Variants in SLC24A2 observed in about 807,000 individuals in gnomAD.
SLC24A2 encodes the protein sodium/potassium/calcium exchanger 2.
SLC24A2 carries 36 observed loss-of-function variants against 62.0 expected under a neutral mutation model. That is an observed-to-expected ratio of 0.58 (90% CI 0.44 to 0.77). SLC24A2 has a LOEUF of 0.77. Among genes scored for constraint, SLC24A2 ranks in the 30% least tolerant of loss-of-function variants. SLC24A2 has a pLI of 0.00. For synonymous variants in SLC24A2, 358 were observed against 294.0 expected, an observed-to-expected ratio of 1.22 and a Z score of -2.23; for missense variants, 846 against 817.9, an observed-to-expected ratio of 1.03 and a Z score of -0.42.
At chr9:20,088,252 C>T in the SLC24A2 span, among the ~76,000 whole-genome samples, 1 of 152,254 alleles carries the variant, frequency 6.6e-6, no homozygotes, top group East Asian at 1.9e-4. Flanking sequence ...TGGCTTAGAA[C>T]TCTGGCCAGC....
At chr9:20,150,849 AAG>A in the SLC24A2 span, among the ~76,000 whole-genome samples, 1 of 152,014 alleles carries the variant, frequency 6.6e-6, no homozygotes, top group Admixed American at 6.6e-5. Context: ...TATATAGAGA[AAG>A]AGACAAAGAG....
the SLC24A2 span, among the ~76,000 whole-genome samples, chr9:19,891,266 G>T: frequency 3.3e-5 from 5 of 152,154 alleles, no homozygotes; most frequent in African/African-American, 1.2e-4. Flanking sequence ...TAGAGCATAG[G>T]TCAGAGCATG....
At chr9:19,615,121 C>T (rs1322434845) in intron 4 of SLC24A2, among the ~76,000 whole-genome samples, 1 of 152,178 alleles carries the variant, frequency 6.6e-6, no homozygotes, top group Non-Finnish European at 1.5e-5. Context: ...GGCAAGGGCT[C>T]ATTCACTGGA....
chr9:20,193,632 C>T, the SLC24A2 span, among the ~76,000 whole-genome samples: 1 of 152,094 alleles, frequency 6.6e-6, no homozygotes, highest in Middle Eastern at 3.4e-3. Context: ...GATGCTGAAA[C>T]TGATAAACAG....
the SLC24A2 span, among the ~76,000 whole-genome samples, chr9:19,842,873 G>T: frequency 1.3e-5 from 2 of 152,058 alleles, no homozygotes; most frequent in African/African-American, 4.8e-5. Context: ...AGTTCCTGGG[G>T]ATCTCTCCCT....
At chr9:19,593,705 T>C (rs1836623045) in intron 5 of SLC24A2, among the ~76,000 whole-genome samples, 1 of 152,140 alleles carries the variant, frequency 6.6e-6, no homozygotes, top group African/African-American at 2.4e-5. Flanking sequence ...CATCTGCCCC[T>C]GTTCCACTCC....
the SLC24A2 span, among the ~76,000 whole-genome samples, chr9:19,851,000 T>TATATATAC: frequency 6.6e-5 from 3 of 45,182 alleles, no homozygotes; most frequent in Non-Finnish European, 9.7e-5. Context: ...TATATATATA[T>TATATATAC]ACACATACAT....
the SLC24A2 span, among the ~76,000 whole-genome samples, chr9:19,997,867 C>T: frequency 6.6e-6 from 1 of 152,160 alleles, no homozygotes; most frequent in Non-Finnish European, 1.5e-5. Flanking sequence ...TTATTTCCTT[C>T]TCAGTTTGAA....
intron 3 of SLC24A2, 60 bp downstream of exon 3, chr9:19,622,201 C>A: frequency 6.8e-7 from 1 of 1,469,936 alleles, no homozygotes; most frequent in South Asian, 1.1e-5. Flanking sequence ...TCACTCCCAC[C>A]CCTGCCCCAC....
At chr9:19,972,111 G>A in the SLC24A2 span, among the ~76,000 whole-genome samples, 5 of 151,994 alleles carry the variant, frequency 3.3e-5, no homozygotes, top group Non-Finnish European at 5.9e-5. Context: ...GGTTGCTGAT[G>A]GTCCTAGTAC....
At chr9:19,882,505 C>T in the SLC24A2 span, among the ~76,000 whole-genome samples, 1 of 151,974 alleles carries the variant, frequency 6.6e-6, no homozygotes, top group Non-Finnish European at 1.5e-5. Context: ...CCTCCACGCC[C>T]CCCACCCACT....
At chr9:20,272,559 C>T in the SLC24A2 span, among the ~76,000 whole-genome samples, 2 of 152,188 alleles carry the variant, frequency 1.3e-5, no homozygotes, top group Non-Finnish European at 2.9e-5. Context: ...AGGTCATCGT[C>T]TCCTCTAAAG....
At chr9:19,939,884 C>T in the SLC24A2 span, among the ~76,000 whole-genome samples, 1 of 152,330 alleles carries the variant, frequency 6.6e-6, no homozygotes, top group Admixed American at 6.5e-5. Flanking sequence ...AATCCCTTCT[C>T]CAGAAATCCC....
At chr9:19,689,085 C>G (rs1564039572) in intron 2 of SLC24A2, among the ~76,000 whole-genome samples, 1 of 152,074 alleles carries the variant, frequency 6.6e-6, no homozygotes, top group Non-Finnish European at 1.5e-5. Context: ...AGTTGTTTTA[C>G]TTTTATTATT....
the SLC24A2 span, among the ~76,000 whole-genome samples, chr9:19,806,246 A>G: frequency 6.6e-6 from 1 of 152,188 alleles, no homozygotes; most frequent in Non-Finnish European, 1.5e-5. Context: ...CCCGCAGATC[A>G]GGCATCGGGA....
the SLC24A2 span, among the ~76,000 whole-genome samples, chr9:19,857,179 T>C: frequency 1.1e-4 from 17 of 152,206 alleles, no homozygotes; most frequent in South Asian, 4.1e-4. Flanking sequence ...GCTGAAAATC[T>C]TCTAGAGTTT....
rs1003731859 is a variant in SLC24A2, at chr9:19,722,594, C to A, written c.930+63343G>T. Among the ~76,000 whole-genome samples, 5 of 151,294 alleles carry A rather than the reference C, an allele frequency of 3.3e-5. No homozygotes were observed. In the South Asian group the frequency reaches 6.3e-4, roughly 19 times the overall value. On this transcript the variant is annotated intron_variant, in intron 2 of 10. Transcript: ENST00000341998. ...CGAAAAGAACCAGTTAATAATGTTA[C>A]AAGATGCCCATTAGGCACAGGCATG...
chr9:20,234,142 C>G, the SLC24A2 span, among the ~76,000 whole-genome samples: 2 of 152,216 alleles, frequency 1.3e-5, no homozygotes, highest in Non-Finnish European at 2.9e-5. Flanking sequence ...CGACCTTTCT[C>G]TCTGGCTGCC....
the SLC24A2 span, among the ~76,000 whole-genome samples, chr9:20,087,725 C>T: frequency 6.6e-6 from 1 of 152,166 alleles, no homozygotes; most frequent in Non-Finnish European, 1.5e-5. Flanking sequence ...AGCTAGTGTG[C>T]ACTGCTCTCA....
Sources: gnomAD v4.1 joint callset for allele counts (sites outside exome capture counted in the v4.1 genomes callset) on GRCh38, gnomAD v4.1.1 for gene constraint, MANE v1.5 for transcripts, NCBI Gene and HGNC (gene_info 2026-07-23, HGNC 2026-07-21) for gene names.